The following MAP4K4 variants were observed in gnomAD, a reference collection of about 807,000 sequenced individuals.
MAP4K4 encodes HPK/GCK-like kinase HGK.
A neutral mutation model predicts 189.6 loss-of-function variants in MAP4K4; 38 were observed. The ratio of observed to expected loss-of-function variants is 0.20; its 90% CI spans 0.15 to 0.26. The LOEUF is 0.26. Among genes scored for constraint, MAP4K4 ranks in the 10% least tolerant of loss-of-function variants. MAP4K4 has a pLI of 1.00. For synonymous variants in MAP4K4, 610 were observed against 624.3 expected (o/e 0.98, Z 0.34); for missense variants, 1,054 against 1,726.9 (o/e 0.61, Z 6.91).
At chr2:101,746,416 T>C (rs912293593) in intron 2 of MAP4K4, among the ~76,000 whole-genome samples, 3 of 152,066 alleles carry the variant, frequency 2.0e-5, no homozygotes, top group Admixed American at 2.0e-4. Context: ...GTTTTGTAAG[T>C]TTAATAAATG....
chr2:101,849,196 C>T (rs1392627597), intron 12 of MAP4K4, among the ~76,000 whole-genome samples: 1 of 152,186 alleles, frequency 6.6e-6, no homozygotes, highest in Non-Finnish European at 1.5e-5. Flanking sequence ...AATCTCAGCT[C>T]ACTGCACCCT....
intron 2 of MAP4K4, among the ~76,000 whole-genome samples, chr2:101,736,194 C>A (rs2060206496): frequency 6.6e-6 from 1 of 152,256 alleles, no homozygotes; most frequent in South Asian, 2.1e-4. Flanking sequence ...CCCTAACTTT[C>A]AGCTGTCCAA....
At chr2:101,812,015 C>T (rs1406075467) in intron 3 of MAP4K4, among the ~76,000 whole-genome samples, 1 of 152,190 alleles carries the variant, frequency 6.6e-6, no homozygotes, top group Non-Finnish European at 1.5e-5. Flanking sequence ...TCAATACACA[C>T]TCTTGGAGGA....
At chr2:101,802,509 A>T (rs2094462658) in intron 3 of MAP4K4, among the ~76,000 whole-genome samples, 1 of 151,444 alleles carries the variant, frequency 6.6e-6, no homozygotes, top group Non-Finnish European at 1.5e-5. Context: ...CTGTTTCTCC[A>T]CCCTGCTCGC....
chr2:101,724,003 A>T (rs889339084), intron 2 of MAP4K4, among the ~76,000 whole-genome samples: 2 of 152,206 alleles, frequency 1.3e-5, no homozygotes, highest in Non-Finnish European at 2.9e-5. Flanking sequence ...GTAAATGATG[A>T]CTAGCCAGAT....
chr2:101,761,540 T>C (rs918186392), intron 2 of MAP4K4, among the ~76,000 whole-genome samples: 3 of 150,346 alleles, frequency 2.0e-5, no homozygotes, highest in South Asian at 4.2e-4. Context: ...ATGGGGAGTA[T>C]GGGAGCATTC....
intron 7 of MAP4K4, among the ~76,000 whole-genome samples, chr2:101,833,094 C>A (rs1364155913): frequency 6.6e-6 from 1 of 151,938 alleles, no homozygotes; most frequent in Non-Finnish European, 1.5e-5. Context: ...CTTTGTGTAC[C>A]CTGATAGTAT....
In MAP4K4 at chr2:101,736,671, A is replaced by C. The variant is rs191675772; in HGVS notation, c.123+38133A>C. On this transcript the variant is annotated intron_variant, in intron 2 of 32. Transcript: ENST00000324219. ...TATTTTTTTCTGATTGTCCTGTACA[A>C]GTAAGCCCCTTTGCAGTGTGCCCTT... Among the ~76,000 whole-genome samples, 192 of 152,312 alleles carry C rather than the reference A, an allele frequency of 1.3e-3. 1 individual carries two copies. The highest frequency in any genetic ancestry group is 4.5e-3 in the African/African-American group (188 of 41,568).
intron 2 of MAP4K4, among the ~76,000 whole-genome samples, chr2:101,748,252 C>A (rs1029840273): frequency 6.6e-6 from 1 of 152,000 alleles, no homozygotes; most frequent in African/African-American, 2.4e-5. Context: ...AAGGAAGCAC[C>A]CTAAATAGAT....
At position 101,797,010 on chromosome 2, in the gene MAP4K4, A is replaced by T. The variant is rs117653529; in HGVS notation, c.180+6234A>T. ...TTTGAATGCCTTCTGAGCTCTGACCACGCATGGGCAGGACACCTTGCTTTC... is the reference window on the plus strand; with the variant it reads ...TTTGAATGCCTTCTGAGCTCTGACCTCGCATGGGCAGGACACCTTGCTTTC... On this transcript the variant is annotated intron_variant, in intron 3 of 32. Transcript: ENST00000324219. Among the ~76,000 whole-genome samples the T allele has an allele frequency of 3.9e-5, 6 of 152,330 alleles. No individual in the cohort carries two copies. In the East Asian group the frequency reaches 1.2e-3, roughly 29 times the overall value.
At chr2:101,843,876 A>G (rs1196602278) in intron 11 of MAP4K4, among the ~76,000 whole-genome samples, 1 of 152,242 alleles carries the variant, frequency 6.6e-6, no homozygotes, top group Admixed American at 6.5e-5. Context: ...TTGTCAAGCA[A>G]ACATCTAGGA....
chr2:101,878,344 C>T (rs1162539541), intron 27 of MAP4K4, among the ~76,000 whole-genome samples: 1 of 152,208 alleles, frequency 6.6e-6, no homozygotes, highest in Non-Finnish European at 1.5e-5. Context: ...GTTGTACATA[C>T]AGTCAGCATC....
chr2:101,804,098 A>G (rs943395907), intron 3 of MAP4K4, among the ~76,000 whole-genome samples: 1 of 152,122 alleles, frequency 6.6e-6, no homozygotes, highest in Non-Finnish European at 1.5e-5. Context: ...TGGTGAATGA[A>G]CAGCCCGTCT....
At chr2:101,839,870 G>A (rs1321149450) in exon 10 of MAP4K4, 3 of 1,610,362 alleles carry the variant, frequency 1.9e-6, no homozygotes, top group Non-Finnish European at 2.5e-6. Context: ...AGAATTACAT[G>A]CAGCGGCCCT....
At chr2:101,731,092 T>C (rs1346074272) in intron 2 of MAP4K4, among the ~76,000 whole-genome samples, 1 of 151,838 alleles carries the variant, frequency 6.6e-6, no homozygotes, top group African/African-American at 2.4e-5. Flanking sequence ...TTGATTTGAA[T>C]GTGACAGTAA....
intron 2 of MAP4K4, among the ~76,000 whole-genome samples, chr2:101,744,873 C>T (rs1384987042): frequency 1.3e-5 from 2 of 152,116 alleles, no homozygotes; most frequent in African/African-American, 4.8e-5. Context: ...TCTGAATAGC[C>T]AGAGTTTCTC....
At chr2:101,815,105 A>C (rs891412220) in intron 3 of MAP4K4, among the ~76,000 whole-genome samples, 3 of 152,260 alleles carry the variant, frequency 2.0e-5, no homozygotes, top group South Asian at 2.1e-4. Context: ...AATTGAGATC[A>C]AACAAAAATT....
At chr2:101,794,177 A>G (rs1009578527) in intron 3 of MAP4K4, among the ~76,000 whole-genome samples, 6 of 152,212 alleles carry the variant, frequency 3.9e-5, no homozygotes, top group African/African-American at 1.2e-4. Context: ...CAGATCTATA[A>G]TGTGGTTTGT....
intron 2 of MAP4K4, among the ~76,000 whole-genome samples, chr2:101,768,188 G>A (rs2079546608): frequency 6.6e-6 from 1 of 152,212 alleles, no homozygotes; most frequent in South Asian, 2.1e-4. Context: ...GCACTAAAGT[G>A]ACTTAAAAAT....
Sources: allele counts gnomAD v4.1 joint callset (sites outside exome capture counted in the v4.1 genomes callset), GRCh38; gene constraint gnomAD v4.1.1; transcripts MANE v1.5; gene names NCBI Gene and HGNC (gene_info 2026-07-23, HGNC 2026-07-21).